The following ARID2 variants were observed in gnomAD, a reference collection of about 807,000 sequenced individuals.
ARID2 encodes AT-rich interactive domain-containing protein 2.
A neutral mutation model predicts 184.6 loss-of-function variants in ARID2; 32 were observed. The observed-to-expected ratio is 0.17, with a 90% confidence interval of 0.13 to 0.23. ARID2 has a LOEUF of 0.23. ARID2 is among the 10% of genes least tolerant of loss of function. ARID2 has a pLI of 1.00. For synonymous variants in ARID2, 836 were observed against 772.6 expected, an observed-to-expected ratio of 1.08 and a Z score of -1.36; for missense variants, 1,696 against 2,197.6, an observed-to-expected ratio of 0.77 and a Z score of 4.56.
chr12:45,790,524 A>G (rs1330894511), intron 3 of ARID2, among the ~76,000 whole-genome samples: 1 of 152,134 alleles, frequency 6.6e-6, no homozygotes, highest in Non-Finnish European at 1.5e-5. Flanking sequence ...AGGGTCCTGT[A>G]CATTGTTCTC....
At chr12:45,808,130 T>A (rs1942635636) in intron 3 of ARID2, among the ~76,000 whole-genome samples, 1 of 152,220 alleles carries the variant, frequency 6.6e-6, no homozygotes, top group Admixed American at 6.5e-5. Context: ...AGTCTAGCAT[T>A]TGTAGTTTAA....
At chr12:45,743,864 T>C (rs1941308611) in intron 3 of ARID2, among the ~76,000 whole-genome samples, 1 of 152,200 alleles carries the variant, frequency 6.6e-6, no homozygotes, top group Non-Finnish European at 1.5e-5. Context: ...ATTGTTATTG[T>C]TGTTGCTATT....
chr12:45,783,591 T>G (rs1462838263), intron 3 of ARID2, among the ~76,000 whole-genome samples: 1 of 152,226 alleles, frequency 6.6e-6, no homozygotes, highest in Admixed American at 6.5e-5. Flanking sequence ...GTTACATCAT[T>G]AGATTCTCAT....
chr12:45,745,828 C>T (rs1157852019), intron 3 of ARID2, among the ~76,000 whole-genome samples: 3 of 152,100 alleles, frequency 2.0e-5, no homozygotes, highest in Admixed American at 1.3e-4. Context: ...GGATTACAGG[C>T]ATGAGCCACT....
intron 3 of ARID2, among the ~76,000 whole-genome samples, chr12:45,806,445 C>G (rs1045017569): frequency 2.0e-5 from 3 of 152,094 alleles, no homozygotes; most frequent in Non-Finnish European, 2.9e-5. Context: ...GCTTCTGTTT[C>G]ATTTATTCCG....
chr12:45,840,200 T>G (rs1339312349), intron 11 of ARID2: 4 of 152,146 alleles, frequency 2.6e-5, no homozygotes, highest in Admixed American at 2.0e-4. Context: ...AAAATACATA[T>G]TTCATCTCAC....
At chr12:45,742,513 G>A (rs1412981618) in intron 3 of ARID2, among the ~76,000 whole-genome samples, 1 of 152,118 alleles carries the variant, frequency 6.6e-6, no homozygotes, top group Non-Finnish European at 1.5e-5. Flanking sequence ...GTAAGATTAA[G>A]CCTAGTTTCC....
chr12:45,775,117 T>G (rs1182513907), intron 3 of ARID2, among the ~76,000 whole-genome samples: 1 of 152,188 alleles, frequency 6.6e-6, no homozygotes, highest in Non-Finnish European at 1.5e-5. Context: ...GGAGTGATTG[T>G]GCGTTCATCC....
At position 45,876,469 on chromosome 12, in the gene ARID2, G is replaced by A. The variant is rs1944010281; in HGVS notation, c.4923-15311G>A. On this transcript the variant is annotated intron_variant, in intron 16 of 20. Coordinates refer to ENST00000334344, the MANE Select transcript of ARID2 (RefSeq NM_152641.4). ...GGAGGCTGAGGCAGGAGAATCGTTT[G>A]AGCCCGGAAGGTGGAGGTTGCGGTG... 2.0e-5 allele frequency among the ~76,000 whole-genome samples: 3 copies of A among 151,792 alleles called. No homozygotes were observed. The South Asian group carries it at 6.3e-4, about 32-fold the overall frequency.
intron 3 of ARID2, among the ~76,000 whole-genome samples, chr12:45,799,615 T>A (rs561315228): frequency 1.3e-5 from 2 of 152,298 alleles, no homozygotes; most frequent in African/African-American, 4.8e-5. Context: ...TTTGTTGTTA[T>A]AAAAGCAATA....
chr12:45,863,297 A>G (rs1205152240), intron 16 of ARID2, among the ~76,000 whole-genome samples: 2 of 152,250 alleles, frequency 1.3e-5, no homozygotes, highest in South Asian at 2.1e-4. Flanking sequence ...TACTACAAGC[A>G]TAACGACATG....
At chr12:45,739,843 A>C (rs980948045) in intron 3 of ARID2, among the ~76,000 whole-genome samples, 9 of 152,212 alleles carry the variant, frequency 5.9e-5, no homozygotes, top group African/African-American at 1.9e-4. Flanking sequence ...CAAGGAAGAG[A>C]CCATAGCTAG....
intron 3 of ARID2, among the ~76,000 whole-genome samples, chr12:45,753,907 C>T (rs1307757338): frequency 6.6e-6 from 1 of 150,740 alleles, no homozygotes; most frequent in Non-Finnish European, 1.5e-5. Context: ...GCTTACCCAC[C>T]TTATTTGCCA....
intron 6 of ARID2, among the ~76,000 whole-genome samples, chr12:45,825,546 A>G (rs1340264330): frequency 6.6e-6 from 1 of 152,208 alleles, no homozygotes; most frequent in Non-Finnish European, 1.5e-5. Flanking sequence ...CAACTAATCA[A>G]AAACTTTATT....
chr12:45,869,172 A>G (rs908425929), intron 16 of ARID2, among the ~76,000 whole-genome samples: 7 of 151,970 alleles, frequency 4.6e-5, no homozygotes, highest in Admixed American at 4.6e-4. Context: ...ACGTGCCACC[A>G]TGCCCAGCTA....
Position 45,893,493 on chromosome 12 carries a change from C to T in ARID2, c.5221C>T (p.Leu1741Phe). 6.2e-7 allele frequency: 1 copy of T among 1,614,026 alleles called. No homozygotes were observed. Among genetic ancestry groups the T allele is most frequent in the South Asian group, 1.1e-5 (1 of 91,078 alleles). The change falls in exon 19 of 21, where the codon CTT becomes TTT. Residue 1741 changes from leucine (L) to phenylalanine (F), a missense_variant. Physicochemically the swap from Leu to Phe is conservative, Grantham distance 22 (BLOSUM62 0). Coordinates refer to ENST00000334344, the MANE Select transcript of ARID2 (RefSeq NM_152641.4). ...CATTGTGAATCATCCCAGTGCTGCA[C>T]TTATGGCTCTGAGGAGAGGATCAAG... ...KAIVNHPSAA[L>F]MALRRGSRNL...
chr12:45,738,972 C>T (rs1941188072), intron 3 of ARID2, among the ~76,000 whole-genome samples: 1 of 149,674 alleles, frequency 6.7e-6, no homozygotes, highest in South Asian at 2.1e-4. Flanking sequence ...AGAGTGTTGT[C>T]TTTTTTTTTC....
chr12:45,872,913 T>C (rs982117800), intron 16 of ARID2, among the ~76,000 whole-genome samples: 17 of 152,244 alleles, frequency 1.1e-4, no homozygotes, highest in African/African-American at 4.1e-4. Context: ...TCAATTCAAC[T>C]ATATCCTTAC....
rs200913974 is a variant in ARID2 at position 45,730,016 on chromosome 12, C to T, written c.93-28C>T. 141 of 1,611,464 alleles carry T rather than the reference C, an allele frequency of 8.7e-5. No homozygotes were observed. In the African/African-American group the frequency reaches 1.7e-3, roughly 19 times the overall value. Reference sequence around the variant, plus strand: ...GGGCCGGGCACGGGGTCCCGGCTGACAAGTGCGGGGCTTTTTCTCTCCCGC... The same window carrying T: ...GGGCCGGGCACGGGGTCCCGGCTGATAAGTGCGGGGCTTTTTCTCTCCCGC... On this transcript the variant is annotated intron_variant, in intron 1 of 20. Coordinates refer to ENST00000334344, the MANE Select transcript of ARID2 (RefSeq NM_152641.4).
Sources: allele counts gnomAD v4.1 joint callset (sites outside exome capture counted in the v4.1 genomes callset), GRCh38; gene constraint gnomAD v4.1.1; transcripts MANE v1.5; gene names NCBI Gene and HGNC (gene_info 2026-07-23, HGNC 2026-07-21).